TIAM1: variants seen among roughly 807,000 people sequenced by gnomAD.
TIAM1 encodes rho guanine nucleotide exchange factor TIAM1.
In TIAM1, 65 loss-of-function variants were observed where a neutral mutation model predicts 163.5. The observed-to-expected ratio is 0.40, with a 90% CI of 0.33 to 0.49. TIAM1 has a LOEUF of 0.49. Among genes scored for constraint, TIAM1 ranks in the 20% least tolerant of loss-of-function variants. The pLI is 0.77. For missense variants in TIAM1, 1,789 were observed against 2,044.7 expected (o/e 0.87, Z 2.41); for synonymous variants, 833 against 810.1 (o/e 1.03, Z -0.48).
intron 7 of TIAM1, among the ~76,000 whole-genome samples, chr21:31,225,437 A>T (rs1569062083): frequency 6.6e-6 from 1 of 152,186 alleles, no homozygotes. Context: ...CAAACTTTCT[A>T]ATTACACAGA....
At chr21:31,193,819 T>C (rs956677518) in intron 13 of TIAM1, among the ~76,000 whole-genome samples, 4 of 152,318 alleles carry the variant, frequency 2.6e-5, no homozygotes, top group South Asian at 4.1e-4. Flanking sequence ...AAAAGCTAGC[T>C]GGGACTAAGC....
intron 1 of TIAM1, among the ~76,000 whole-genome samples, chr21:31,490,902 G>A (rs879323988): frequency 2.0e-5 from 3 of 152,204 alleles, no homozygotes; most frequent in African/African-American, 2.4e-5. Context: ...CAAGGTGGGC[G>A]GATCGCGAGG....
intron 2 of TIAM1, among the ~76,000 whole-genome samples, chr21:31,306,230 G>C (rs1340134471): frequency 2.0e-5 from 3 of 151,998 alleles, no homozygotes; most frequent in Non-Finnish European, 4.4e-5. Flanking sequence ...GCTGTGGTGA[G>C]TTCTGATTGC....
At position 31,242,292 on chromosome 21, in the gene TIAM1, G is replaced by C. The variant is rs189245330; in HGVS notation, c.1584+3196C>G. 5.0e-3 allele frequency among the ~76,000 whole-genome samples: 759 copies of C among 152,230 alleles called. 3 individuals are homozygous for C. Among genetic ancestry groups the C allele is most frequent in the African/African-American group, 0.017 (724 of 41,542 alleles). On this transcript the variant is annotated intron_variant, in intron 6 of 27. Coordinates refer to ENST00000541036, the MANE Select transcript of TIAM1 (RefSeq NM_001353694.2). ...CCCAGCACTTTAGGAGGCTGAGGCA[G>C]GAAGATCACTTGAGGCCAGGGGTTT...
chr21:31,219,645 G>A (rs2087433500), intron 8 of TIAM1, among the ~76,000 whole-genome samples: 1 of 152,202 alleles, frequency 6.6e-6, no homozygotes, highest in Non-Finnish European at 1.5e-5. Flanking sequence ...AAGGGTATTA[G>A]AGGGAAGGTT....
chr21:31,271,617 G>A (rs565940222), intron 3 of TIAM1, among the ~76,000 whole-genome samples: 1 of 152,268 alleles, frequency 6.6e-6, no homozygotes, highest in South Asian at 2.1e-4. Context: ...TAATTCCACT[G>A]AATTCTTGCC....
chr21:31,207,974 G>C (rs530033026), intron 11 of TIAM1, among the ~76,000 whole-genome samples: 1 of 152,300 alleles, frequency 6.6e-6, no homozygotes, highest in African/African-American at 2.4e-5. Context: ...TGAAGGCCCA[G>C]GGAAAATTGG....
intron 2 of TIAM1, among the ~76,000 whole-genome samples, chr21:31,379,002 C>T (rs551200): frequency 0.16 from 23,885 of 152,174 alleles, 1,984 homozygotes; most frequent in African/African-American, 0.17. Flanking sequence ...GATGGAGTCT[C>T]GCTCTGTCGC....
intron 8 of TIAM1, among the ~76,000 whole-genome samples, chr21:31,222,679 ATATATATATATATATAT>A (rs2087634973): frequency 2.9e-5 from 1 of 35,008 alleles, no homozygotes; most frequent in African/African-American, 8.0e-5. Flanking sequence ...ACACATACAT[ATATATATATATATATAT>A]ATATATATAT....
chr21:31,252,605 T>C (rs955590315), intron 4 of TIAM1, among the ~76,000 whole-genome samples: 1 of 152,162 alleles, frequency 6.6e-6, no homozygotes, highest in Non-Finnish European at 1.5e-5. Flanking sequence ...GATGAGTTAA[T>C]TGTTCCAGAC....
At chr21:31,189,950 A>G (rs1008698219) in intron 13 of TIAM1, among the ~76,000 whole-genome samples, 18 of 152,200 alleles carry the variant, frequency 1.2e-4, no homozygotes, top group African/African-American at 4.1e-4. Flanking sequence ...GACAACTCTA[A>G]TATCGTCCAA....
At chr21:31,404,022 A>G (rs1270924280) in intron 2 of TIAM1, among the ~76,000 whole-genome samples, 1 of 152,182 alleles carries the variant, frequency 6.6e-6, no homozygotes, top group Non-Finnish European at 1.5e-5. Flanking sequence ...CTGTCATTGT[A>G]AAAGGAAATC....
chr21:31,340,203 A>C (rs1428498304), intron 1 of TIAM1, among the ~76,000 whole-genome samples: 1 of 151,630 alleles, frequency 6.6e-6, no homozygotes, highest in Non-Finnish European at 1.5e-5. Context: ...AATAAATGCT[A>C]AGTAATTATG....
intron 1 of TIAM1, among the ~76,000 whole-genome samples, chr21:31,538,400 G>A (rs1420115768): frequency 2.0e-5 from 3 of 152,130 alleles, no homozygotes; most frequent in African/African-American, 4.8e-5. Context: ...TTAAATAGCC[G>A]GGTGTCATGG....
chr21:31,230,582 G>A (rs1257267725), intron 6 of TIAM1, among the ~76,000 whole-genome samples: 1 of 152,046 alleles, frequency 6.6e-6, no homozygotes, highest in African/African-American at 2.4e-5. Context: ...TGGAGTGCCT[G>A]GGCATGATCT....
At chr21:31,494,087 G>GTATTTTTA (rs2147428755) in intron 1 of TIAM1, among the ~76,000 whole-genome samples, 3 of 152,176 alleles carry the variant, frequency 2.0e-5, no homozygotes, top group African/African-American at 7.2e-5. Context: ...GCTAATTTTT[G>GTATTTTTA]TATTTTTATA....
At chr21:31,457,422 T>C (rs1443222557) in intron 2 of TIAM1, among the ~76,000 whole-genome samples, 1 of 152,118 alleles carries the variant, frequency 6.6e-6, no homozygotes, top group Admixed American at 6.5e-5. Context: ...TGTCCAAAGG[T>C]CCCTCAAGAT....
At chr21:31,287,260 TA>T (rs2073846234) in intron 2 of TIAM1, among the ~76,000 whole-genome samples, 1 of 152,240 alleles carries the variant, frequency 6.6e-6, no homozygotes, top group Non-Finnish European at 1.5e-5. Context: ...TAGGGCTATC[TA>T]AAAACTGCTT....
chr21:31,420,713 C>A (rs2043537800), intron 2 of TIAM1, among the ~76,000 whole-genome samples: 1 of 152,094 alleles, frequency 6.6e-6, no homozygotes, highest in African/African-American at 2.4e-5. Flanking sequence ...TCTAGGGGGT[C>A]AAATAGGGTC....
Sources: allele counts gnomAD v4.1 joint callset (sites outside exome capture counted in the v4.1 genomes callset), GRCh38; gene constraint gnomAD v4.1.1; transcripts MANE v1.5; gene names NCBI Gene and HGNC (gene_info 2026-07-23, HGNC 2026-07-21).